The following EPSTI1 variants were observed in gnomAD, a reference collection of about 807,000 sequenced individuals.
EPSTI1 encodes the protein epithelial stromal interaction 1, also known as epithelial-stromal interaction protein 1.
EPSTI1 carries 66 observed loss-of-function variants against 49.9 expected under a neutral mutation model. The observed-to-expected ratio is 1.32, with a 90% CI of 1.08 to 1.62. The LOEUF (loss-of-function observed/expected upper bound fraction) is 1.62, where lower values mean the gene tolerates loss of function less well. Among genes scored for constraint, EPSTI1 ranks in the 40% most tolerant of loss-of-function variants. The pLI, the probability that EPSTI1 is intolerant of heterozygous loss-of-function variation, is 0.00. For synonymous variants in EPSTI1, 137 were observed against 130.7 expected (o/e 1.05, Z -0.33); for missense variants, 394 against 365.5 (o/e 1.08, Z -0.64).
intron 10 of EPSTI1, among the ~76,000 whole-genome samples, chr13:42,893,622 A>G (rs1306023001): frequency 6.6e-6 from 1 of 152,196 alleles, no homozygotes; most frequent in Admixed American, 6.5e-5. Flanking sequence ...GTCATTGGTG[A>G]GCCAGATTGC....
At position 42,986,851 on chromosome 13, in the gene EPSTI1, T is replaced by C. The variant is rs967312428; in HGVS notation, c.188+5127A>G. On this transcript the variant is annotated intron_variant, in intron 1 of 10. Coordinates refer to ENST00000313624, the MANE Select transcript of EPSTI1 (RefSeq NM_033255.5). ...CACCAATGGCCACTGATTTAATCAA[T>C]TATGCCTAGGTAATAAAGCCTCAAT... Among the ~76,000 whole-genome samples the C allele has an allele frequency of 2.3e-4, 35 of 151,390 alleles. 1 individual carries two copies. The highest frequency in any genetic ancestry group is 4.6e-4 in the Non-Finnish European group (31 of 67,974).
chr13:42,889,342 T>C (rs1566090044), intron 10 of EPSTI1: 8 of 768,724 alleles, frequency 1.0e-5, no homozygotes, highest in Non-Finnish European at 1.6e-5. Flanking sequence ...AAATTAACAA[T>C]GATTAAAAAA....
chr13:42,986,741 T>A (rs1456361771), intron 1 of EPSTI1, among the ~76,000 whole-genome samples: 2 of 54,972 alleles, frequency 3.6e-5, no homozygotes, highest in Non-Finnish European at 6.7e-5. Flanking sequence ...CAAGATTCCA[T>A]CTCAAAAAAA....
At chr13:42,933,312 TAAAAAAAAA>T (rs1178617129) in intron 6 of EPSTI1, among the ~76,000 whole-genome samples, 1 of 77,346 alleles carries the variant, frequency 1.3e-5, no homozygotes, top group Non-Finnish European at 3.3e-5. Flanking sequence ...ACATAAAAAG[TAAAAAAAAA>T]AAAAAAAAAA....
At position 42,911,677 on chromosome 13, in the gene EPSTI1, C is replaced by T. The variant is rs73183906; in HGVS notation, c.741+5864G>A. On this transcript the variant is annotated intron_variant, in intron 8 of 10. Transcript: ENST00000313624. ...GGTTCTAGTCCCTCATTTCTAATGC[C>T]GTGTATTTGCATTTTTACTAATCTC... Among the ~76,000 whole-genome samples, 1,260 of 152,120 alleles carry T rather than the reference C, an allele frequency of 8.3e-3. 10 individuals are homozygous for T. Among genetic ancestry groups the T allele is most frequent in the Non-Finnish European group, 0.012 (803 of 67,984 alleles).
At chr13:42,889,531 G>C (rs2036967658) in intron 10 of EPSTI1, among the ~76,000 whole-genome samples, 1 of 152,122 alleles carries the variant, frequency 6.6e-6, no homozygotes. Context: ...CCAAGCCTCT[G>C]TGAATTGAGG....
intron 1 of EPSTI1, among the ~76,000 whole-genome samples, chr13:42,990,716 G>C (rs1487527420): frequency 6.6e-6 from 1 of 152,106 alleles, no homozygotes; most frequent in Non-Finnish European, 1.5e-5. Context: ...AATATTAAAG[G>C]CCTGGTACTT....
intron 1 of EPSTI1, among the ~76,000 whole-genome samples, chr13:42,987,603 T>C (rs1239083830): frequency 6.6e-6 from 1 of 152,040 alleles, no homozygotes; most frequent in Non-Finnish European, 1.5e-5. Flanking sequence ...TCATCCACTA[T>C]GATTAGTGTT....
chr13:42,971,054 C>T lies in EPSTI1; in HGVS notation c.189-384G>A, dbSNP rs74061463. Among the ~76,000 whole-genome samples the T allele has an allele frequency of 3.6e-3, 553 of 152,246 alleles. 2 individuals are homozygous for T. The highest frequency in any genetic ancestry group is 0.013 in the African/African-American group (527 of 41,532). ...AGGAAACATTGGTACATTTTCTGTT[C>T]CCACAGACTGATCCTAGAGGCCATT... On this transcript the variant is annotated intron_variant, in intron 1 of 10. Transcript: ENST00000313624.
chr13:42,900,235 C>T (rs4942174), intron 9 of EPSTI1, 75 bp downstream of exon 9: 1,302,768 of 1,302,786 alleles, frequency 1, 651,375 homozygotes, highest in Middle Eastern at 1. Flanking sequence ...TATCGTAATG[C>T]TTTCCTAAAA....
At chr13:42,980,250 GGA>G (rs1369067289) in intron 1 of EPSTI1, among the ~76,000 whole-genome samples, 3 of 152,066 alleles carry the variant, frequency 2.0e-5, no homozygotes, top group Admixed American at 6.6e-5. Context: ...TCTATATGAT[GGA>G]GTGCAATCAC....
intron 1 of EPSTI1, among the ~76,000 whole-genome samples, chr13:42,986,275 A>C (rs2040076228): frequency 6.6e-6 from 1 of 152,258 alleles, no homozygotes; most frequent in South Asian, 2.1e-4. Flanking sequence ...GTGACATAAT[A>C]AAAAATAAAT....
chr13:42,902,849 C>T (rs1038604144), intron 8 of EPSTI1, among the ~76,000 whole-genome samples: 10 of 152,152 alleles, frequency 6.6e-5, no homozygotes, highest in African/African-American at 1.9e-4. Context: ...TACATTTTCT[C>T]GTATCTAATA....
At chr13:42,893,052 C>T (rs566189232) in intron 10 of EPSTI1, among the ~76,000 whole-genome samples, 1 of 152,136 alleles carries the variant, frequency 6.6e-6, no homozygotes, top group African/African-American at 2.4e-5. Context: ...TTTTAGTGAC[C>T]ATGAAAAGAA....
intron 9 of EPSTI1, among the ~76,000 whole-genome samples, chr13:42,897,158 C>T (rs975986811): frequency 1.3e-5 from 2 of 151,588 alleles, no homozygotes; most frequent in South Asian, 4.2e-4. Flanking sequence ...CTCATTTGTA[C>T]TTTAGAGCCT....
At chr13:42,919,247 G>A in intron 7 of EPSTI1, 1 of 1,565,252 alleles carries the variant, frequency 6.4e-7, no homozygotes, top group South Asian at 1.1e-5. Context: ...GAAGTCACAT[G>A]GCATCCAAAC....
intron 6 of EPSTI1, among the ~76,000 whole-genome samples, chr13:42,947,087 C>T (rs777217948): frequency 3.3e-5 from 5 of 152,198 alleles, no homozygotes; most frequent in Non-Finnish European, 5.9e-5. Context: ...TCACTACAGG[C>T]ACACGGGCAT....
intron 6 of EPSTI1, among the ~76,000 whole-genome samples, chr13:42,941,495 C>T (rs1347508003): frequency 2.0e-5 from 3 of 151,628 alleles, no homozygotes; most frequent in East Asian, 3.9e-4. Flanking sequence ...GTGGTGCACA[C>T]GTGTAGTCCC....
intron 6 of EPSTI1, among the ~76,000 whole-genome samples, chr13:42,937,609 A>C (rs1425913475): frequency 6.6e-6 from 1 of 152,216 alleles, no homozygotes; most frequent in Non-Finnish European, 1.5e-5. Context: ...TTGCTCATCC[A>C]TAAAAAGCAA....
Sources: gnomAD v4.1 joint callset for allele counts (sites outside exome capture counted in the v4.1 genomes callset) on GRCh38, gnomAD v4.1.1 for gene constraint, MANE v1.5 for transcripts, NCBI Gene and HGNC (gene_info 2026-07-23, HGNC 2026-07-21) for gene names.